Variants in DLGAP2 observed in about 807,000 individuals in gnomAD.
DLGAP2 encodes DLG associated protein 2, also known as disks large-associated protein 2.
DLGAP2 carries 26 observed loss-of-function variants against 100.3 expected under a neutral mutation model. The observed-to-expected ratio is 0.26, with a 90% CI of 0.19 to 0.36. The LOEUF (loss-of-function observed/expected upper bound fraction) is 0.36. DLGAP2 is among the 10% of genes least tolerant of loss of function. DLGAP2 has a pLI of 1.00. For synonymous variants in DLGAP2, 886 were observed against 630.1 expected (o/e 1.41, Z -6.08); for missense variants, 1,858 against 1,453.2 (o/e 1.28, Z -4.53).
intron 2 of DLGAP2, among the ~76,000 whole-genome samples, chr8:1,061,802 C>T (rs1803091916): frequency 6.6e-6 from 1 of 152,088 alleles, no homozygotes; most frequent in Middle Eastern, 3.4e-3. Flanking sequence ...GGGCTTTCCT[C>T]CTCCTCTGTA....
At chr8:1,499,308 C>T (rs945602548) in intron 3 of DLGAP2, among the ~76,000 whole-genome samples, 1 of 152,182 alleles carries the variant, frequency 6.6e-6, no homozygotes, top group Non-Finnish European at 1.5e-5. Context: ...TTCAAGTCCG[C>T]CCTGTGAGAG....
At chr8:1,363,600 C>G (rs1802035983) in intron 3 of DLGAP2, among the ~76,000 whole-genome samples, 1 of 152,232 alleles carries the variant, frequency 6.6e-6, no homozygotes, top group Non-Finnish European at 1.5e-5. Flanking sequence ...ACAGCCCTGT[C>G]AGGCGACATT....
chr8:1,555,682 G>T (rs1801940919), intron 5 of DLGAP2, among the ~76,000 whole-genome samples: 1 of 152,236 alleles, frequency 6.6e-6, no homozygotes, highest in African/African-American at 2.4e-5. Context: ...GGGACTCGGT[G>T]TGTCATCGCT....
chr8:1,234,098 G>T (rs182870036), intron 2 of DLGAP2, among the ~76,000 whole-genome samples: 8 of 152,306 alleles, frequency 5.3e-5, no homozygotes, highest in African/African-American at 1.9e-4. Flanking sequence ...AAGTTCTTCA[G>T]CATTGTAGCC....
intron 2 of DLGAP2, among the ~76,000 whole-genome samples, chr8:1,046,644 G>A (rs1802524158): frequency 6.6e-6 from 1 of 152,192 alleles, no homozygotes; most frequent in Non-Finnish European, 1.5e-5. Context: ...CGTTGAAAAG[G>A]GGGATAAGTG....
chr8:1,321,549 G>C (rs562247624), intron 3 of DLGAP2, among the ~76,000 whole-genome samples: 1 of 152,370 alleles, frequency 6.6e-6, no homozygotes, highest in East Asian at 1.9e-4. Context: ...TGCCTTCTAA[G>C]TCCTGAGCTG....
At chr8:1,153,064 T>C (rs1796723195) in intron 2 of DLGAP2, among the ~76,000 whole-genome samples, 1 of 152,210 alleles carries the variant, frequency 6.6e-6, no homozygotes, top group Admixed American at 6.5e-5. Flanking sequence ...AGGAAATGCT[T>C]TTATTTCAAG....
Position 1,633,024 on chromosome 8 carries a change from C to T in DLGAP2, c.1788C>T (p.Thr596=). ...CCATGATGACACCCTCTGACATCACCTCCACCATCAGGTCAACAGCAGGTA... is the reference window on the plus strand; with the variant it reads ...CCATGATGACACCCTCTGACATCACTTCCACCATCAGGTCAACAGCAGGTA... The part of the protein sequence containing the change: ...CIPMMTPSDI[T]STIRSTAAVS... The change falls in exon 8 of 15, where the codon ACC becomes ACT. Residue 596 remains threonine (T), a synonymous_variant. Coordinates refer to ENST00000637795, the MANE Select transcript of DLGAP2 (RefSeq NM_001346810.2). The T allele has an allele frequency of 6.2e-7, 1 of 1,613,924 alleles. No individual in the cohort carries two copies. Among genetic ancestry groups the T allele is most frequent in the Non-Finnish European group, 8.5e-7 (1 of 1,179,878 alleles).
chr8:928,112 G>A (rs1584896347), intron 2 of DLGAP2, among the ~76,000 whole-genome samples: 2 of 152,168 alleles, frequency 1.3e-5, no homozygotes, highest in African/African-American at 2.4e-5. Context: ...TGGGGAGGGC[G>A]CCAGCCTGAA....
At chr8:1,064,553 C>T (rs113879905) in intron 2 of DLGAP2, among the ~76,000 whole-genome samples, 24 of 152,350 alleles carry the variant, frequency 1.6e-4, no homozygotes, top group African/African-American at 5.3e-4. Context: ...AAACCACCTG[C>T]AGTTGTTGTT....
At chr8:1,354,455 G>C (rs1801803176) in intron 3 of DLGAP2, among the ~76,000 whole-genome samples, 1 of 152,240 alleles carries the variant, frequency 6.6e-6, no homozygotes, top group Non-Finnish European at 1.5e-5. Context: ...ACAGGTTACA[G>C]TGAGCTGATA....
chr8:834,992 G>A (rs1217829163), intron 1 of DLGAP2, among the ~76,000 whole-genome samples: 1 of 152,216 alleles, frequency 6.6e-6, no homozygotes, highest in African/African-American at 2.4e-5. Context: ...ATGTTAGTGT[G>A]CACATGTCTA....
intron 1 of DLGAP2, among the ~76,000 whole-genome samples, chr8:763,400 A>G (rs1427942344): frequency 6.6e-6 from 1 of 152,206 alleles, no homozygotes; most frequent in Non-Finnish European, 1.5e-5. Context: ...CTTGAATCTG[A>G]AGGGGGAGCT....
At chr8:1,407,983 AGC>A (rs1796619532) in intron 3 of DLGAP2, among the ~76,000 whole-genome samples, 1 of 152,214 alleles carries the variant, frequency 6.6e-6, no homozygotes, top group Non-Finnish European at 1.5e-5. Context: ...TGTCCTGCAC[AGC>A]ACAGCATGTT....
chr8:1,497,424 T>C (rs1799581087), intron 3 of DLGAP2, among the ~76,000 whole-genome samples: 1 of 152,152 alleles, frequency 6.6e-6, no homozygotes, highest in African/African-American at 2.4e-5. Flanking sequence ...CAGAGAGAGC[T>C]GTAGTTGTAT....
intron 12 of DLGAP2, among the ~76,000 whole-genome samples, chr8:1,682,178 G>A (rs1172352284): frequency 1.3e-5 from 2 of 152,172 alleles, no homozygotes; most frequent in Non-Finnish European, 2.9e-5. Context: ...TGTGACCCAC[G>A]TGTGGTCCAC....
Position 1,614,720 on chromosome 8 carries a change from C to T in DLGAP2, c.1443-12020C>T, listed in dbSNP as rs78236267. Among the ~76,000 whole-genome samples, 6 of 152,292 alleles carry T rather than the reference C, an allele frequency of 3.9e-5. No homozygotes were observed. The East Asian group carries it at 7.7e-4, about 20-fold the overall frequency. On this transcript the variant is annotated intron_variant, in intron 6 of 14. Coordinates refer to ENST00000637795, the MANE Select transcript of DLGAP2 (RefSeq NM_001346810.2). ...AGCCAAGGACAGTTGCTCACCCTGG[C>T]GACACGATTTTTTAAAATGTAATAA... is the stretch of plus-strand genomic sequence containing the variant.
chr8:784,404 T>C (rs763405938), intron 1 of DLGAP2, among the ~76,000 whole-genome samples: 1 of 152,212 alleles, frequency 6.6e-6, no homozygotes. Context: ...AGCTTAAATA[T>C]ATGTTACAGT....
At chr8:1,262,872 G>A (rs11136375) in intron 3 of DLGAP2, among the ~76,000 whole-genome samples, 29,013 of 151,402 alleles carry the variant, frequency 0.19, 3,142 homozygotes, top group East Asian at 0.41. Flanking sequence ...GACATTGGGT[G>A]GGGCCACAGA....
Sources: allele counts gnomAD v4.1 joint callset (sites outside exome capture counted in the v4.1 genomes callset), GRCh38; gene constraint gnomAD v4.1.1; transcripts MANE v1.5; gene names NCBI Gene and HGNC (gene_info 2026-07-23, HGNC 2026-07-21).